Variants in PTPRZ1 observed in about 807,000 individuals in gnomAD.
PTPRZ1 encodes the protein receptor-type tyrosine-protein phosphatase zeta.
Under a neutral mutation model 214.1 loss-of-function variants are expected in PTPRZ1, and 82 were observed. The observed-to-expected ratio is 0.38, with a 90% CI of 0.32 to 0.46. The LOEUF is 0.46. Among genes scored for constraint, PTPRZ1 ranks in the 20% least tolerant of loss-of-function variants. PTPRZ1 has a pLI of 1.00. For synonymous variants in PTPRZ1, 945 were observed against 987.9 expected, an observed-to-expected ratio of 0.96 and a Z score of 0.81; for missense variants, 2,603 against 2,748.7, an observed-to-expected ratio of 0.95 and a Z score of 1.19.
intron 8 of PTPRZ1, among the ~76,000 whole-genome samples, chr7:121,990,528 T>TC (rs1413907671): frequency 6.9e-6 from 1 of 144,928 alleles, no homozygotes; most frequent in African/African-American, 2.6e-5. Context: ...TTTTTTTTTT[T>TC]TTTTTTTTTT....
chr7:122,046,075 A>G (rs1791970147), intron 23 of PTPRZ1, among the ~76,000 whole-genome samples: 1 of 152,228 alleles, frequency 6.6e-6, no homozygotes, highest in Non-Finnish European at 1.5e-5. Flanking sequence ...TGTAAAATAA[A>G]TAAATAAAGC....
intron 2 of PTPRZ1, among the ~76,000 whole-genome samples, chr7:121,961,270 T>C (rs1012191665): frequency 6.6e-6 from 1 of 152,184 alleles, no homozygotes; most frequent in Admixed American, 6.5e-5. Flanking sequence ...ATAATCTGCC[T>C]TTCTGTCTCC....
chr7:122,057,645 C>CTTTTTT (rs5887066), intron 27 of PTPRZ1, among the ~76,000 whole-genome samples: 1 of 128,176 alleles, frequency 7.8e-6, no homozygotes, highest in Non-Finnish European at 1.7e-5. Context: ...CTTTGTGATT[C>CTTTTTT]TTTTTTTTTT....
chr7:122,036,778 G>A, intron 18 of PTPRZ1, 96 bp downstream of exon 18: 2 of 749,318 alleles, frequency 2.7e-6, no homozygotes, highest in Non-Finnish European at 4.3e-6. Context: ...AGTGCTTAAT[G>A]TCATGTTATT....
chr7:122,035,086 C>T (rs1387098801), intron 17 of PTPRZ1, among the ~76,000 whole-genome samples: 2 of 152,114 alleles, frequency 1.3e-5, no homozygotes, highest in African/African-American at 4.8e-5. Flanking sequence ...CAAAAACAAA[C>T]AAACAAACAA....
At chr7:121,944,115 C>T (rs1796307643) in intron 2 of PTPRZ1, among the ~76,000 whole-genome samples, 1 of 152,096 alleles carries the variant, frequency 6.6e-6, no homozygotes, top group Non-Finnish European at 1.5e-5. Context: ...ATTAATTTCC[C>T]CATCTGGATG....
chr7:122,003,721 G>T (rs774599522), intron 10 of PTPRZ1, among the ~76,000 whole-genome samples: 4 of 152,128 alleles, frequency 2.6e-5, no homozygotes, highest in Admixed American at 6.6e-5. Context: ...CAGTTACTTT[G>T]TCTACCATTT....
At chr7:121,933,327 A>G (rs1313064249) in intron 2 of PTPRZ1, among the ~76,000 whole-genome samples, 2 of 152,112 alleles carry the variant, frequency 1.3e-5, no homozygotes, top group Non-Finnish European at 2.9e-5. Flanking sequence ...TAACTGCTTT[A>G]TTCTTAGAAG....
rs554317327 is a variant in PTPRZ1 at position 121,911,117 on chromosome 7, A to T, written c.59-17039A>T. Among the ~76,000 whole-genome samples, 4 of 152,196 alleles carry T rather than the reference A, an allele frequency of 2.6e-5. No individual in the cohort carries two copies. The South Asian group carries it at 8.3e-4, about 32-fold the overall frequency. The stretch of plus-strand genomic sequence containing the variant: ...AAATACGAGGATTTTTGTGCTTTGA[A>T]CTATAAAAGCTCATACCTAAGAGTA... On this transcript the variant is annotated intron_variant, in intron 1 of 29. Transcript: ENST00000393386.
intron 10 of PTPRZ1, among the ~76,000 whole-genome samples, chr7:122,004,412 A>G (rs558611837): frequency 6.6e-6 from 1 of 152,250 alleles, no homozygotes; most frequent in East Asian, 1.9e-4. Flanking sequence ...AGTTACATAT[A>G]AGCTCATGTA....
chr7:122,003,851 C>T (rs1402711356), intron 10 of PTPRZ1, among the ~76,000 whole-genome samples: 1 of 152,186 alleles, frequency 6.6e-6, no homozygotes, highest in African/African-American at 2.4e-5. Context: ...TCTTTCCTGA[C>T]ATTCCCTGAC....
chr7:121,894,089 C>T (rs575099737), intron 1 of PTPRZ1, among the ~76,000 whole-genome samples: 2 of 152,116 alleles, frequency 1.3e-5, no homozygotes, highest in East Asian at 1.9e-4. Flanking sequence ...AAAAATTTTT[C>T]GAAGGATAAG....
In PTPRZ1 at chr7:122,038,820, C is replaced by T. The variant is rs756914958; in HGVS notation, c.5433C>T (p.Phe1811=). 3.1e-6 allele frequency: 5 copies of T among 1,613,544 alleles called. No homozygotes were observed. The Admixed American group carries it at 5.0e-5, about 16-fold the overall frequency. The part of the protein sequence containing the change: ...QGPLKSTAED[F]WRMIWEHNVE... The stretch of plus-strand genomic sequence containing the variant: ...CACTGAAATCCACAGCTGAAGATTT[C>T]TGGAGAATGATATGGGAACATAATG... Residue 1811 remains phenylalanine (F), a synonymous_variant, in exon 19 of 30, where the codon TTC becomes TTT. Coordinates refer to ENST00000393386, the MANE Select transcript of PTPRZ1 (RefSeq NM_002851.3).
chr7:121,932,638 A>G (rs1423858283), intron 2 of PTPRZ1, among the ~76,000 whole-genome samples: 1 of 152,200 alleles, frequency 6.6e-6, no homozygotes, highest in Non-Finnish European at 1.5e-5. Context: ...AATAAAAATT[A>G]CTAAGTACAT....
intron 2 of PTPRZ1, among the ~76,000 whole-genome samples, chr7:121,955,008 C>G (rs1330469199): frequency 6.6e-6 from 1 of 152,198 alleles, no homozygotes; most frequent in Non-Finnish European, 1.5e-5. Context: ...CCAGAAGCTT[C>G]TGCCATATGG....
At chr7:121,897,115 C>T (rs1794808470) in intron 1 of PTPRZ1, among the ~76,000 whole-genome samples, 2 of 152,148 alleles carry the variant, frequency 1.3e-5, no homozygotes, top group African/African-American at 4.8e-5. Context: ...TTTGTGTTCT[C>T]ATATAATCTT....
At chr7:121,911,670 C>T (rs1280057550) in intron 1 of PTPRZ1, among the ~76,000 whole-genome samples, 2 of 151,856 alleles carry the variant, frequency 1.3e-5, no homozygotes, top group Non-Finnish European at 2.9e-5. Context: ...TCTTCCTTTT[C>T]TGAAACTTAG....
intron 23 of PTPRZ1, among the ~76,000 whole-genome samples, chr7:122,049,574 A>G (rs1247317318): frequency 3.3e-5 from 5 of 152,160 alleles, no homozygotes; most frequent in Non-Finnish European, 5.9e-5. Context: ...CAAAAACTTC[A>G]TCATCTCAAA....
intron 12 of PTPRZ1, among the ~76,000 whole-genome samples, chr7:122,017,936 G>C (rs187489673): frequency 1.8e-3 from 278 of 152,088 alleles, no homozygotes; most frequent in Middle Eastern, 6.8e-3. Context: ...TTGATCAACA[G>C]AAGAAAGCTA....
Sources: gnomAD v4.1 joint callset for allele counts (sites outside exome capture counted in the v4.1 genomes callset) on GRCh38, gnomAD v4.1.1 for gene constraint, MANE v1.5 for transcripts, NCBI Gene and HGNC (gene_info 2026-07-23, HGNC 2026-07-21) for gene names.